Variants in PREX2 observed in about 807,000 individuals in gnomAD.
The protein encoded by PREX2 is phosphatidylinositol-3,4,5-trisphosphate dependent Rac exchange factor 2, also known as phosphatidylinositol 3,4,5-trisphosphate-dependent Rac exchanger 2 protein.
In PREX2, 107 loss-of-function variants were observed where a neutral mutation model predicts 203.2. The ratio of observed to expected loss-of-function variants is 0.53; its 90% CI spans 0.45 to 0.62. The LOEUF is 0.62. Ranked by LOEUF, PREX2 falls within the 20% of genes least tolerant of loss-of-function variation. The probability of loss-of-function intolerance (pLI) is 0.00; values close to 1 mark genes in which losing one functional copy is unlikely to be tolerated. For synonymous variants in PREX2, 672 were observed against 663.6 expected (o/e 1.01, Z -0.19); for missense variants, 1,777 against 1,955.9 (o/e 0.91, Z 1.72).
intron 25 of PREX2, among the ~76,000 whole-genome samples, chr8:68,111,996 G>A (rs1323499581): frequency 6.6e-6 from 1 of 152,152 alleles, no homozygotes; most frequent in Non-Finnish European, 1.5e-5. Context: ...CCCTGTGAAA[G>A]GTCCTGGGGT....
chr8:68,154,364 T>C (rs1000581634), intron 34 of PREX2, among the ~76,000 whole-genome samples: 12 of 152,234 alleles, frequency 7.9e-5, no homozygotes, highest in Non-Finnish European at 1.5e-4. Flanking sequence ...TCATTAACCA[T>C]AATTAGTAGG....
chr8:67,984,131 CTT>C (rs909073121), intron 1 of PREX2, among the ~76,000 whole-genome samples: 2 of 152,182 alleles, frequency 1.3e-5, no homozygotes, highest in African/African-American at 4.8e-5. Context: ...CTTAGTAAAG[CTT>C]TTCCACATCA....
rs114261421 is a variant in PREX2, at chr8:68,000,982, A to C, written c.142-16864A>C. Among the ~76,000 whole-genome samples the C allele has an allele frequency of 6.5e-3, 986 of 152,362 alleles. 20 individuals are homozygous for C. Among genetic ancestry groups the C allele is most frequent in the African/African-American group, 0.023 (940 of 41,590 alleles). ...GATAAAAGGCTTAAATGTAAAATCC[A>C]AAACTGTAGAAACCTTGGAAGACAA... is the stretch of plus-strand genomic sequence containing the variant. On this transcript the variant is annotated intron_variant, in intron 1 of 39. Coordinates refer to ENST00000288368, the MANE Select transcript of PREX2 (RefSeq NM_024870.4).
chr8:68,127,538 A>G (rs1053843701), intron 31 of PREX2, 119 bp downstream of exon 31: 5 of 632,820 alleles, frequency 7.9e-6, no homozygotes, highest in Admixed American at 5.5e-5. Flanking sequence ...TATGATCCCT[A>G]CCTTCTCCAA....
chr8:67,970,211 A>G (rs1805889016), intron 1 of PREX2, among the ~76,000 whole-genome samples: 1 of 152,156 alleles, frequency 6.6e-6, no homozygotes, highest in Admixed American at 6.5e-5. Context: ...GTTAATCTAA[A>G]CAGATCGAAA....
intron 21 of PREX2, among the ~76,000 whole-genome samples, chr8:68,095,532 C>T (rs201060929): frequency 2.0e-3 from 151 of 75,162 alleles, no homozygotes; most frequent in South Asian, 5.3e-3. Flanking sequence ...TACATACATA[C>T]ATATATGTGT....
At chr8:68,134,926 T>C (rs181799901) in intron 32 of PREX2, among the ~76,000 whole-genome samples, 173 of 152,300 alleles carry the variant, frequency 1.1e-3, no homozygotes, top group African/African-American at 4.0e-3. Flanking sequence ...ATACCTCCTG[T>C]GGTTTGGATA....
chr8:68,098,936 GTGTATATATATATATA>G lies in PREX2; in HGVS notation c.2554-744_2554-729del, dbSNP rs1360586363. The stretch of plus-strand genomic sequence containing the variant: ...TTAATCAGAAATGCTACATATATAT[GTGTATATATATATATA>G]TATATATATATATATATATATATAT... On this transcript the variant is annotated intron_variant, in intron 22 of 39. Transcript: ENST00000288368. Among the ~76,000 whole-genome samples, 23 of 74,868 alleles carry G rather than the reference GTGTATATATATATATA, an allele frequency of 3.1e-4. 1 individual carries two copies. The highest frequency in any genetic ancestry group is 1.1e-3 in the African/African-American group (23 of 20,198). 49.1% of individuals were successfully genotyped at this position (74,868 alleles called of 152,430 possible). A position where few individuals can be genotyped will look rare whatever the true frequency, so the allele number is the denominator to read the frequency against.
At chr8:67,996,399 G>T (rs1806767542) in intron 1 of PREX2, among the ~76,000 whole-genome samples, 1 of 151,522 alleles carries the variant, frequency 6.6e-6, no homozygotes, top group South Asian at 2.1e-4. Context: ...TCACTATGTT[G>T]CCCAAGTTGG....
chr8:68,047,480 T>TATATATATATATATACAC (rs1554570837), intron 8 of PREX2, among the ~76,000 whole-genome samples: 26 of 62,738 alleles, frequency 4.1e-4, no homozygotes, highest in African/African-American at 2.1e-3. Context: ...TATATATATA[T>TATATATATATATATACAC]ATATATATAT....
intron 1 of PREX2, among the ~76,000 whole-genome samples, chr8:67,988,771 G>C (rs918513242): frequency 6.6e-6 from 1 of 152,150 alleles, no homozygotes; most frequent in Non-Finnish European, 1.5e-5. Context: ...GACAGGTCAC[G>C]CGTACATGAC....
At chr8:68,002,769 T>C (rs1477054496) in intron 1 of PREX2, among the ~76,000 whole-genome samples, 1 of 152,202 alleles carries the variant, frequency 6.6e-6, no homozygotes, top group Non-Finnish European at 1.5e-5. Context: ...ACATCATTAA[T>C]GCATTTAAAA....
chr8:67,971,877 A>G lies in PREX2; in HGVS notation c.141+19342A>G, dbSNP rs181928994. On this transcript the variant is annotated intron_variant, in intron 1 of 39. Transcript: ENST00000288368. Reference sequence around the variant, plus strand: ...CCTGACGTGGGAAAGGAAGTATGCTACTTTGGGAAATAAGGATGTTGTAGA... The same window carrying G: ...CCTGACGTGGGAAAGGAAGTATGCTGCTTTGGGAAATAAGGATGTTGTAGA... Among the ~76,000 whole-genome samples, 52 of 152,332 alleles carry G rather than the reference A, an allele frequency of 3.4e-4. 1 individual carries two copies. The Middle Eastern group carries it at 0.017, about 50-fold the overall frequency.
intron 1 of PREX2, among the ~76,000 whole-genome samples, chr8:68,004,823 A>G (rs1807047298): frequency 6.6e-6 from 1 of 152,200 alleles, no homozygotes; most frequent in African/African-American, 2.4e-5. Flanking sequence ...TTTATTCTCA[A>G]TTTATTAAAT....
intron 37 of PREX2, among the ~76,000 whole-genome samples, chr8:68,197,955 T>C (rs1287790591): frequency 6.6e-6 from 1 of 151,996 alleles, no homozygotes; most frequent in Non-Finnish European, 1.5e-5. Flanking sequence ...TATAAGAAAC[T>C]ACAGAGCGGC....
At chr8:68,066,947 A>C (rs1333767240) in intron 11 of PREX2, among the ~76,000 whole-genome samples, 1 of 152,064 alleles carries the variant, frequency 6.6e-6, no homozygotes, top group African/African-American at 2.4e-5. Context: ...TTTTGCATGT[A>C]GATATCCAGT....
rs1807689538 is a variant in PREX2 at position 68,025,403 on chromosome 8, G to A, written c.442-1819G>A. Among the ~76,000 whole-genome samples, 5 of 151,580 alleles carry A rather than the reference G, an allele frequency of 3.3e-5. No homozygotes were observed. The South Asian group carries it at 1.0e-3, about 32-fold the overall frequency. On this transcript the variant is annotated intron_variant, in intron 4 of 39. Transcript: ENST00000288368. Reference sequence around the variant, plus strand: ...ATGGTTGTTATACTTTATATGATGGGTCATTTTTCTCTTTTTTGCTGCTTT... The same window carrying A: ...ATGGTTGTTATACTTTATATGATGGATCATTTTTCTCTTTTTTGCTGCTTT...
At chr8:68,030,739 A>G in intron 6 of PREX2, 81 bp downstream of exon 6, 1 of 1,348,912 alleles carries the variant, frequency 7.4e-7, no homozygotes, top group Non-Finnish European at 1.1e-6. Flanking sequence ...CGTTGGATGG[A>G]ACCATAAATG....
intron 8 of PREX2, among the ~76,000 whole-genome samples, chr8:68,048,765 T>C (rs1808437754): frequency 6.6e-6 from 1 of 152,044 alleles, no homozygotes; most frequent in Non-Finnish European, 1.5e-5. Flanking sequence ...GTGAACTTTA[T>C]AATTTTGTAT....
Sources: gnomAD v4.1 joint callset for allele counts (sites outside exome capture counted in the v4.1 genomes callset) on GRCh38, gnomAD v4.1.1 for gene constraint, MANE v1.5 for transcripts, NCBI Gene and HGNC (gene_info 2026-07-23, HGNC 2026-07-21) for gene names.